Variants in TPH2 observed in about 807,000 individuals in gnomAD.
TPH2 encodes tryptophan hydroxylase 2.
In TPH2, 27 loss-of-function variants were observed where a neutral mutation model predicts 59.1. The ratio of observed to expected loss-of-function variants is 0.46; its 90% confidence interval spans 0.34 to 0.63. The LOEUF is 0.63. Ranked by LOEUF, TPH2 falls within the 30% of genes least tolerant of loss-of-function variation. The pLI is 0.01. For synonymous variants in TPH2, 220 were observed against 210.5 expected (o/e 1.05, Z -0.39); for missense variants, 523 against 588.3 (o/e 0.89, Z 1.15).
intron 6 of TPH2, among the ~76,000 whole-genome samples, chr12:71,974,038 C>G (rs1413250182): frequency 6.6e-6 from 1 of 152,132 alleles, no homozygotes; most frequent in Non-Finnish European, 1.5e-5. Context: ...TGCTTAAGTC[C>G]TTGGATTCTC....
At chr12:71,989,736 A>G (rs1872535043) in intron 7 of TPH2, among the ~76,000 whole-genome samples, 1 of 152,222 alleles carries the variant, frequency 6.6e-6, no homozygotes, top group African/African-American at 2.4e-5. Context: ...TGCCAGACTC[A>G]TTTTGAATTT....
intron 6 of TPH2, among the ~76,000 whole-genome samples, chr12:71,977,667 A>T (rs988814108): frequency 6.6e-6 from 1 of 152,192 alleles, no homozygotes; most frequent in African/African-American, 2.4e-5. Context: ...TGACAATACA[A>T]TGTTGAAGGA....
At chr12:72,029,786 T>C (rs1013315666) in intron 9 of TPH2, among the ~76,000 whole-genome samples, 3 of 152,184 alleles carry the variant, frequency 2.0e-5, no homozygotes, top group Non-Finnish European at 4.4e-5. Flanking sequence ...GGGTGCCCTT[T>C]CTCTTACATG....
intron 8 of TPH2, among the ~76,000 whole-genome samples, chr12:72,019,197 C>T (rs1873344013): frequency 6.6e-6 from 1 of 152,172 alleles, no homozygotes; most frequent in African/African-American, 2.4e-5. Context: ...CCCCTGCCAT[C>T]CCTAGCCCAA....
Position 71,994,640 on chromosome 12 carries a change from A to G in TPH2, c.1068+75A>G, listed in dbSNP as rs950679217. On this transcript the variant is annotated intron_variant, in intron 8 of 10. Transcript: ENST00000333850. ...GGTAAAGAAAGCTTCAGGATTATTG[A>G]CTATGAGTTATAGGTAAATGTTCTG... 87 of 1,564,194 alleles carry G rather than the reference A, an allele frequency of 5.6e-5. No individual in the cohort carries two copies. In the African/African-American group the frequency reaches 1.1e-3, roughly 19 times the overall value.
intron 2 of TPH2, among the ~76,000 whole-genome samples, chr12:71,943,452 G>A (rs1191005260): frequency 6.6e-6 from 1 of 152,034 alleles, no homozygotes; most frequent in African/African-American, 2.4e-5. Context: ...CACATCACTG[G>A]GGGAAATTCT....
intron 7 of TPH2, among the ~76,000 whole-genome samples, chr12:71,984,055 T>C (rs541321511): frequency 6.6e-6 from 1 of 152,272 alleles, no homozygotes; most frequent in African/African-American, 2.4e-5. Context: ...TCTGCCGGCA[T>C]CACTTTTCAA....
chr12:71,994,665 G>A, intron 8 of TPH2, 100 bp downstream of exon 8: 1 of 1,456,370 alleles, frequency 6.9e-7, no homozygotes, highest in Non-Finnish European at 9.5e-7. Context: ...TAAATGTTCT[G>A]GAGAAAACAT....
chr12:72,026,054 A>G (rs1873559548), intron 9 of TPH2, among the ~76,000 whole-genome samples: 1 of 152,220 alleles, frequency 6.6e-6, no homozygotes, highest in African/African-American at 2.4e-5. Flanking sequence ...TGTTCACTTC[A>G]GGTGGTGAGG....
Position 71,944,294 on chromosome 12 carries a change from GA to G in TPH2, c.261del (p.Lys87AsnfsTer40). 6.2e-7 allele frequency: 1 copy of G among 1,613,662 alleles called. No individual in the cohort carries two copies. The highest frequency in any genetic ancestry group is 8.5e-7 in the Non-Finnish European group (1 of 1,179,720). ...TTTTCAGATGCTCGTGTTTCCACAG[GA>G]AAAACGTGTCAACATGGTTCATATT... is the stretch of plus-strand genomic sequence containing the variant. ...GLVKALRLFQEKRVNMVHIES... is the reference protein window; with the variant it reads ...GLVKALRLFQXKRVNMVHIES... On this transcript the variant is annotated frameshift_variant and splice_region_variant, in exon 3 of 11. Coordinates refer to ENST00000333850, the MANE Select transcript of TPH2 (RefSeq NM_173353.4). LOFTEE classifies it high-confidence loss of function.
intron 4 of TPH2, among the ~76,000 whole-genome samples, chr12:71,946,623 T>C (rs1871204083): frequency 6.6e-6 from 1 of 152,178 alleles, no homozygotes; most frequent in Non-Finnish European, 1.5e-5. Context: ...TTATACAGAA[T>C]GTGATATTGG....
rs778405758 is a variant in TPH2 at position 72,032,060 on chromosome 12, A to G, written c.*365A>G. The G allele has an allele frequency of 1.0e-4, 24 of 240,788 alleles. No individual in the cohort carries two copies. Among genetic ancestry groups the G allele is most frequent in the Non-Finnish European group, 1.7e-4 (20 of 120,918 alleles). 14.9% of individuals were successfully genotyped at this position (240,788 alleles called of 1,614,324 possible). A position where few individuals can be genotyped will look rare whatever the true frequency, so the allele number is the denominator to read the frequency against. ...TCTAAGCCTTTCCTCTGTGTTCATTAGATAAAATGAAAAAAAGCAGTGAAG... is the reference window on the plus strand; with the variant it reads ...TCTAAGCCTTTCCTCTGTGTTCATTGGATAAAATGAAAAAAAGCAGTGAAG... On this transcript the variant is annotated 3_prime_UTR_variant, in exon 11 of 11. Transcript: ENST00000333850.
chr12:71,997,143 T>A (rs1340554490), intron 8 of TPH2, among the ~76,000 whole-genome samples: 1 of 152,194 alleles, frequency 6.6e-6, no homozygotes, highest in Admixed American at 6.5e-5. Flanking sequence ...TCTGCATTCC[T>A]TGGCTCATGG....
chr12:71,949,657 T>G lies in TPH2; in HGVS notation c.608+2T>G, dbSNP rs1353247339. The G allele has an allele frequency of 1.9e-6, 3 of 1,609,770 alleles. No individual in the cohort carries two copies. ...GGATGTGGCCATGGGTTATAAATAG[T>G]AAGTACCTGTATAACTCTTTCTTGT... On this transcript the variant is annotated splice_donor_variant, in intron 5 of 10. Transcript: ENST00000333850. LOFTEE classifies it high-confidence loss of function.
chr12:71,956,651 C>T (rs1871514911), intron 5 of TPH2, among the ~76,000 whole-genome samples: 1 of 151,440 alleles, frequency 6.6e-6, no homozygotes, highest in African/African-American at 2.4e-5. Context: ...ACTCTGTTGC[C>T]TGAGCTGGAG....
chr12:71,939,110 G>A lies in TPH2; in HGVS notation c.105+19G>A, dbSNP rs368873862. 6.3e-7 allele frequency: 1 copy of A among 1,581,200 alleles called. No individual in the cohort carries two copies. The highest frequency in any genetic ancestry group is 1.3e-5 in the African/African-American group (1 of 74,154). On this transcript the variant is annotated intron_variant, in intron 1 of 10. Transcript: ENST00000333850. ...CTCAACAGTGAGTACTACGTACCTG[G>A]CACTATGGAGAATTATTTTTTAGGG...
chr12:72,027,588 A>C (rs148002773), intron 9 of TPH2, among the ~76,000 whole-genome samples: 309 of 152,372 alleles, frequency 2.0e-3, no homozygotes, highest in African/African-American at 7.1e-3. Flanking sequence ...CTGTGTTCTT[A>C]ACCATAAAGA....
rs369952027 is a variant in TPH2, at chr12:72,031,872, C to T, written c.*177C>T. The stretch of plus-strand genomic sequence containing the variant: ...AGTATATAAAGCACCATAAGAAATC[C>T]AATGGCAGATAACCACTCATTGTAT... On this transcript the variant is annotated 3_prime_UTR_variant, in exon 11 of 11. Transcript: ENST00000333850. 20 of 700,970 alleles carry T rather than the reference C, an allele frequency of 2.9e-5. No homozygotes were observed. The East Asian group carries it at 3.8e-4, about 13-fold the overall frequency. 43.4% of individuals were successfully genotyped at this position (700,970 alleles called of 1,614,324 possible).
At chr12:71,994,223 T>C (rs1872641208) in intron 7 of TPH2, among the ~76,000 whole-genome samples, 1 of 152,256 alleles carries the variant, frequency 6.6e-6, no homozygotes, top group Non-Finnish European at 1.5e-5. Flanking sequence ...TTTATGTTAT[T>C]AAAACATGGT....
Sources: allele counts gnomAD v4.1 joint callset (sites outside exome capture counted in the v4.1 genomes callset), GRCh38; gene constraint gnomAD v4.1.1; transcripts MANE v1.5; gene names NCBI Gene and HGNC (gene_info 2026-07-23, HGNC 2026-07-21).